ATP7B: variants seen among roughly 807,000 people sequenced by gnomAD.
ATP7B encodes ATPase copper transporting beta.
ATP7B carries 113 observed loss-of-function variants against 118.9 expected under a neutral mutation model. That is an observed-to-expected ratio of 0.95 (90% CI 0.82 to 1.11). The LOEUF (loss-of-function observed/expected upper bound fraction) is 1.11, where lower values mean the gene tolerates loss of function less well. ATP7B is among the 50% of genes most tolerant of loss of function. The pLI is 0.00. For synonymous variants in ATP7B, 777 were observed against 727.4 expected (o/e 1.07, Z -1.10); for missense variants, 1,867 against 1,871.4 (o/e 1.00, Z 0.04).
intron 1 of ATP7B, among the ~76,000 whole-genome samples, chr13:51,999,154 A>C (rs1166345655): frequency 1.3e-5 from 2 of 152,346 alleles, no homozygotes; most frequent in Middle Eastern, 3.4e-3. Flanking sequence ...AAGTGTATGC[A>C]CAACAGAAGA....
chr13:51,977,068 C>T (rs1952154002), intron 1 of ATP7B, among the ~76,000 whole-genome samples: 1 of 152,110 alleles, frequency 6.6e-6, no homozygotes, highest in African/African-American at 2.4e-5. Context: ...GAGGCCGAGG[C>T]AGGAGGACTG....
chr13:51,995,976 C>T (rs1953186558), intron 1 of ATP7B, among the ~76,000 whole-genome samples: 1 of 152,202 alleles, frequency 6.6e-6, no homozygotes, highest in Non-Finnish European at 1.5e-5. Context: ...CCTAGAAACC[C>T]AGTCTAGAGG....
In ATP7B at chr13:51,963,333, G is replaced by C. The variant is rs545386222; in HGVS notation, c.1870-1420C>G. 3.3e-5 allele frequency among the ~76,000 whole-genome samples: 5 copies of C among 152,280 alleles called. No individual in the cohort carries two copies. The South Asian group carries it at 8.3e-4, about 25-fold the overall frequency. ...CCGTGAGCTGGGTATTGTGAGTAAA[G>C]TTACTTAACCTCTCTGAGCATCTTT... On this transcript the variant is annotated intron_variant, in intron 5 of 20. Coordinates refer to ENST00000242839, the MANE Select transcript of ATP7B (RefSeq NM_000053.4).
At chr13:51,961,758 G>T in intron 6 of ATP7B, 79 bp downstream of exon 6, 1 of 1,387,884 alleles carries the variant, frequency 7.2e-7, no homozygotes, top group South Asian at 1.2e-5. Flanking sequence ...GGGAAGACAA[G>T]ACCAGCTGGC....
In ATP7B at chr13:51,968,333, A is replaced by G. The variant is rs1593765090; in HGVS notation, c.1707+111T>C. 5 of 1,512,620 alleles carry G rather than the reference A, an allele frequency of 3.3e-6. No individual in the cohort carries two copies. In the East Asian group the frequency reaches 1.2e-4, roughly 35 times the overall value. The allele number at this position is 1,512,620 out of a possible 1,614,324, so 93.7% of individuals were successfully genotyped here. A position where few individuals can be genotyped will look rare whatever the true frequency, so the allele number is the denominator to read the frequency against. ...TGAAACAAACAAAATACCCAACAAC[A>G]ACAAACCAGACACGTCCAAGATGGG... is the stretch of plus-strand genomic sequence containing the variant. On this transcript the variant is annotated intron_variant, in intron 4 of 20. Coordinates refer to ENST00000242839, the MANE Select transcript of ATP7B (RefSeq NM_000053.4).
At position 52,007,667 on chromosome 13, in the gene ATP7B, G is replaced by T. The variant is rs541477423; in HGVS notation, c.51+3620C>A. Reference sequence around the variant, plus strand: ...AGTTAGCACGGACCCCACAGGTAAGGGCTCAGGCCCACAAGACCACAAGAA... The same window carrying T: ...AGTTAGCACGGACCCCACAGGTAAGTGCTCAGGCCCACAAGACCACAAGAA... On this transcript the variant is annotated intron_variant, in intron 1 of 20. Coordinates refer to ENST00000242839, the MANE Select transcript of ATP7B (RefSeq NM_000053.4). Among the ~76,000 whole-genome samples, 5 of 152,208 alleles carry T rather than the reference G, an allele frequency of 3.3e-5. No homozygotes were observed. The East Asian group carries it at 9.7e-4, about 29-fold the overall frequency.
chr13:51,966,808 A>G, intron 4 of ATP7B: 1 of 1,612,300 alleles, frequency 6.2e-7, no homozygotes, highest in Non-Finnish European at 8.5e-7. Context: ...TGATGAATAC[A>G]TGAAGGAGCT....
chr13:51,937,158 C>G lies in ATP7B; in HGVS notation c.4021+118G>C, dbSNP rs1201275191. 1.5e-5 allele frequency: 13 copies of G among 884,958 alleles called. No individual in the cohort carries two copies. The Admixed American group carries it at 2.5e-4, about 17-fold the overall frequency. The allele number at this position is 884,958 out of a possible 1,614,324, so 54.8% of individuals were successfully genotyped here. On this transcript the variant is annotated intron_variant, in intron 19 of 20. Coordinates refer to ENST00000242839, the MANE Select transcript of ATP7B (RefSeq NM_000053.4). ...GGACATGAAAAAAAAAAAAAAACAG[C>G]CTTTCTAAAACGCCTCTAGCCAGCC... is the stretch of plus-strand genomic sequence containing the variant.
chr13:52,005,411 C>G (rs887814231), intron 1 of ATP7B, among the ~76,000 whole-genome samples: 7 of 152,212 alleles, frequency 4.6e-5, no homozygotes, highest in African/African-American at 1.7e-4. Flanking sequence ...CTATCCTCCA[C>G]AAAGCATTAG....
At chr13:52,000,353 C>G (rs939475194) in intron 1 of ATP7B, among the ~76,000 whole-genome samples, 1 of 152,196 alleles carries the variant, frequency 6.6e-6, no homozygotes, top group African/African-American at 2.4e-5. Context: ...AAGTGGCTCC[C>G]TCAAGCCTCT....
At position 51,934,895 on chromosome 13, in the gene ATP7B, T is replaced by TC. The variant is rs1956866547; in HGVS notation, c.4258dup (p.Asp1420GlyfsTer29). On this transcript the variant is annotated frameshift_variant, in exon 21 of 21. Transcript: ENST00000242839. LOFTEE classifies it high-confidence loss of function. ...CACCTGGCTGACATAGCTGACCTGG[T>TC]CCCATGGTGTGGCCCTGGGGGAGTC... The TC allele has an allele frequency of 6.2e-7, 1 of 1,614,168 alleles. No homozygotes were observed. Among genetic ancestry groups the TC allele is most frequent in the African/African-American group, 1.3e-5 (1 of 75,056 alleles).
chr13:51,967,163 A>C, intron 4 of ATP7B: 2 of 1,568,970 alleles, frequency 1.3e-6, no homozygotes, highest in South Asian at 2.2e-5. Flanking sequence ...TTCCATCATC[A>C]CTTTGGACAG....
chr13:51,934,832 T>G lies in ATP7B; in HGVS notation c.4322A>C (p.His1441Pro). 6.2e-7 allele frequency: 1 copy of G among 1,614,222 alleles called. No individual in the cohort carries two copies. Among genetic ancestry groups the G allele is most frequent in the Non-Finnish European group, 8.5e-7 (1 of 1,180,044 alleles). The stretch of plus-strand genomic sequence containing the variant: ...CCCATCATCGTCTGCTGCAGCGCTG[T>G]GCCGAGATGGCTTGTCGGACGTCAG... Reference protein sequence around the residue: ...SSLTSDKPSRHSAAADDDGDK... With the variant: ...SSLTSDKPSRPSAAADDDGDK... Residue 1441 changes from histidine to proline, a missense_variant, in exon 21 of 21, where the codon CAC becomes CCC. By Grantham distance (77) the His-to-Pro change is moderately conservative. Coordinates refer to ENST00000242839, the MANE Select transcript of ATP7B (RefSeq NM_000053.4).
Position 51,941,102 on chromosome 13 carries a change from C to T in ATP7B, c.3535G>A (p.Ala1179Thr). 1 of 1,614,204 alleles carries T rather than the reference C, an allele frequency of 6.2e-7. No individual in the cohort carries two copies. Among genetic ancestry groups the T allele is most frequent in the Non-Finnish European group, 8.5e-7 (1 of 1,180,044 alleles). The change falls in exon 16 of 21, where the codon GCC becomes ACC. Residue 1179 changes from alanine to threonine, a missense_variant. Transcript: ENST00000242839. ...ATACCGTCAATAGCCACCAGGATGG[C>T]TGTCTGTCCTTTCATCTCGTGGTCT... ...MTDHEMKGQT[A>T]ILVAIDGVLC...
chr13:51,985,063 A>C (rs1952590762), intron 1 of ATP7B, among the ~76,000 whole-genome samples: 1 of 152,248 alleles, frequency 6.6e-6, no homozygotes, highest in African/African-American at 2.4e-5. Flanking sequence ...ATTCACACAT[A>C]ACAATACTAA....
chr13:51,938,486 G>C (rs1312469763), intron 17 of ATP7B, among the ~76,000 whole-genome samples: 1 of 152,246 alleles, frequency 6.6e-6, no homozygotes, highest in African/African-American at 2.4e-5. Flanking sequence ...CAGGGGTACT[G>C]CTGCTTCCCT....
At position 51,966,942 on chromosome 13, in the gene ATP7B, T is replaced by C. The variant is rs558482950; in HGVS notation, c.1707+1502A>G. The C allele has an allele frequency of 3.2e-4, 520 of 1,613,252 alleles. 9 individuals carry two copies. In the South Asian group the frequency reaches 5.2e-3, roughly 16 times the overall value. The stretch of plus-strand genomic sequence containing the variant: ...CTTTGAAAACAACACAGTTTTCTTG[T>C]ACCCTGGGAGATGAGTTTGAAGAAA... On this transcript the variant is annotated intron_variant, in intron 4 of 20. Coordinates refer to ENST00000242839, the MANE Select transcript of ATP7B (RefSeq NM_000053.4).
chr13:51,961,763 G>A lies in ATP7B; in HGVS notation c.1946+74C>T. The A allele has an allele frequency of 2.1e-6, 3 of 1,425,780 alleles. No homozygotes were observed. In the Admixed American group the frequency reaches 5.1e-5, roughly 24 times the overall value. The allele number at this position is 1,425,780 out of a possible 1,614,324, so 88.3% of individuals were successfully genotyped here. On this transcript the variant is annotated intron_variant, in intron 6 of 20. Coordinates refer to ENST00000242839, the MANE Select transcript of ATP7B (RefSeq NM_000053.4). ...AAGGCACCATGGGAAGACAAGACCA[G>A]CTGGCAGAGTTGGGCCCAGGTAGAG...
At chr13:51,965,722 G>A (rs1036940576) in intron 4 of ATP7B, among the ~76,000 whole-genome samples, 3 of 152,204 alleles carry the variant, frequency 2.0e-5, no homozygotes, top group East Asian at 1.9e-4. Context: ...CAGGATGCTC[G>A]AGGGAGAGGA....
Sources: gnomAD v4.1 joint callset for allele counts (sites outside exome capture counted in the v4.1 genomes callset) on GRCh38, gnomAD v4.1.1 for gene constraint, MANE v1.5 for transcripts, NCBI Gene and HGNC (gene_info 2026-07-23, HGNC 2026-07-21) for gene names.